CFAP46: variants seen among roughly 807,000 people sequenced by gnomAD.
CFAP46 encodes the protein cilia- and flagella-associated protein 46.
Under a neutral mutation model 325.7 loss-of-function variants are expected in CFAP46, and 245 were observed. The observed-to-expected ratio is 0.75, with a 90% CI of 0.68 to 0.84. CFAP46 has a LOEUF of 0.84. CFAP46 is among the 40% of genes least tolerant of loss of function. The pLI is 0.00. For synonymous variants in CFAP46, 1,523 were observed against 1,495.9 expected (o/e 1.02, Z -0.42); for missense variants, 3,346 against 3,543.0 (o/e 0.94, Z 1.41).
At chr10:132,825,019 A>T (rs1447920655) in intron 50 of CFAP46, among the ~76,000 whole-genome samples, 1 of 91,710 alleles carries the variant, frequency 1.1e-5, no homozygotes, top group African/African-American at 4.4e-5. Context: ...TGATGTGTGC[A>T]CTGTGTGCTG....
chr10:132,833,429 C>T lies in CFAP46; in HGVS notation c.7046G>A (p.Gly2349Glu). Residue 2349 changes from glycine to glutamate, a missense_variant, in exon 50 of 58, where the codon GGG becomes GAG. Physicochemically the swap from Gly to Glu is moderately conservative, Grantham distance 98. Transcript: ENST00000368586. ...TTCTCGTGACACAGAGGAAATTGTC[C>T]CTTCATCGAACACAGAGAGACCTTC... ...PLEGLSVFDE[G>E]TISSVSREFS... 6.2e-7 allele frequency: 1 copy of T among 1,614,160 alleles called. No individual in the cohort carries two copies. Among genetic ancestry groups the T allele is most frequent in the Non-Finnish European group, 8.5e-7 (1 of 1,180,030 alleles).
At chr10:132,921,725 G>A (rs994123051) in intron 13 of CFAP46, among the ~76,000 whole-genome samples, 8 of 152,238 alleles carry the variant, frequency 5.3e-5, no homozygotes, top group African/African-American at 1.9e-4. Context: ...GACCCCCAGA[G>A]GGGATGGCCC....
chr10:132,904,613 G>T (rs2135503205), intron 22 of CFAP46, among the ~76,000 whole-genome samples: 1 of 152,342 alleles, frequency 6.6e-6, no homozygotes, highest in East Asian at 1.9e-4. Context: ...AGGGCGCCCA[G>T]CCCCCACATC....
At position 132,907,943 on chromosome 10, in the gene CFAP46, G is replaced by T. The variant is rs1168719908; in HGVS notation, c.2924+525C>A. On this transcript the variant is annotated intron_variant, in intron 22 of 57. Transcript: ENST00000368586. The stretch of plus-strand genomic sequence containing the variant: ...GATGGCACTTCCAGCCTCCGGAACT[G>T]TGAGCAGGAACCATCTGGGGTGGGA... 3.9e-5 allele frequency among the ~76,000 whole-genome samples: 6 copies of T among 152,374 alleles called. No homozygotes were observed. The East Asian group carries it at 9.7e-4, about 25-fold the overall frequency.
In CFAP46 at chr10:132,876,293, C is replaced by A. The variant is rs888358023; in HGVS notation, c.4362+519G>T. 6.6e-6 allele frequency among the ~76,000 whole-genome samples: 1 copy of A among 152,256 alleles called. No individual in the cohort carries two copies. Among genetic ancestry groups the A allele is most frequent in the Admixed American group, 6.5e-5 (1 of 15,288 alleles). On this transcript the variant is annotated intron_variant, in intron 31 of 57. Coordinates refer to ENST00000368586, the MANE Select transcript of CFAP46 (RefSeq NM_001200049.3). The surrounding 1 kb of genome is among the most constrained non-coding windows in gnomAD (Gnocchi z 4.1). ...CAGCATGGCAGCGTGGCACCAAACA[C>A]CGCAGGTGGAGATGGTCCAGGTGTG... is the stretch of plus-strand genomic sequence containing the variant.
chr10:132,941,678 G>C lies in CFAP46; in HGVS notation c.219C>G (p.Phe73Leu). 6.2e-7 allele frequency: 1 copy of C among 1,614,042 alleles called. No homozygotes were observed. The highest frequency in any genetic ancestry group is 2.2e-5 in the East Asian group (1 of 44,866). Residue 73 changes from phenylalanine (F) to leucine (L), a missense_variant, in exon 3 of 58, where the codon TTC (phenylalanine) becomes TTG (leucine). Physicochemically the swap from Phe to Leu is conservative, Grantham distance 22. Coordinates refer to ENST00000368586, the MANE Select transcript of CFAP46 (RefSeq NM_001200049.3). ...ACTGGGTGATGGGCGCCTTCACCTTGAAGTACATTTGGATGCAGTCCTCGC... is the reference window on the plus strand; with the variant it reads ...ACTGGGTGATGGGCGCCTTCACCTTCAAGTACATTTGGATGCAGTCCTCGC... ...EVSEDCIQMY[F>L]KVKAPITQFL... is the part of the protein sequence containing the mutation.
chr10:132,857,441 TTTG>T, intron 39 of CFAP46, 146 bp downstream of exon 39: 2 of 740,168 alleles, frequency 2.7e-6, no homozygotes, highest in Non-Finnish European at 4.3e-6. Context: ...TGTTTGTTTT[TTTG>T]TTGTTTCAGA....
At position 132,924,852 on chromosome 10, in the gene CFAP46, G is replaced by A. The variant is rs914677857; in HGVS notation, c.1100C>T (p.Ala367Val). The A allele has an allele frequency of 1.1e-4, 160 of 1,427,984 alleles. No homozygotes were observed. Among genetic ancestry groups the A allele is most frequent in the Admixed American group, 1.7e-4 (6 of 35,040 alleles). 88.5% of individuals were successfully genotyped at this position (1,427,984 alleles called of 1,614,324 possible). Residue 367 changes from alanine to valine, a missense_variant, in exon 11 of 58, where the codon GCG becomes GTG. Transcript: ENST00000368586. ...QLDIIQRLDV[A>V]LQRAVRLGDP... ...GCCCAGGCGCACGGCTCGCTGCAGC[G>A]CGACGTCTAGCCTCTGTATGATATC...
chr10:132,818,055 A>G (rs1159253492), intron 50 of CFAP46, among the ~76,000 whole-genome samples: 1 of 152,032 alleles, frequency 6.6e-6, no homozygotes, highest in Non-Finnish European at 1.5e-5. Context: ...CTGGAATCGC[A>G]TCTGCAAAGC....
intron 44 of CFAP46, among the ~76,000 whole-genome samples, chr10:132,845,113 C>A (rs1848412621): frequency 6.6e-6 from 1 of 152,216 alleles, no homozygotes. Flanking sequence ...CCATGCACAC[C>A]CTCCTGGACC....
chr10:132,930,968 C>G (rs1429097200), intron 8 of CFAP46, among the ~76,000 whole-genome samples: 1 of 129,556 alleles, frequency 7.7e-6, no homozygotes, highest in African/African-American at 3.0e-5. Flanking sequence ...TCACACAGAG[C>G]CTGGGCCTCC....
chr10:132,856,311 C>T (rs948952929), intron 39 of CFAP46, among the ~76,000 whole-genome samples: 1 of 152,226 alleles, frequency 6.6e-6, no homozygotes, highest in African/African-American at 2.4e-5. Flanking sequence ...TTTCATTCCT[C>T]TTTCTAGTTC....
chr10:132,820,564 G>A (rs1417285713), intron 50 of CFAP46, among the ~76,000 whole-genome samples: 7 of 148,228 alleles, frequency 4.7e-5, no homozygotes, highest in Admixed American at 3.3e-4. Context: ...GTGCTGATGT[G>A]TGCTGTGTGT....
In CFAP46 at chr10:132,832,140, TAA is replaced by T. The variant is rs1237236861; in HGVS notation, c.7117+1216_7117+1217del. Among the ~76,000 whole-genome samples, 1 of 152,244 alleles carries T rather than the reference TAA, an allele frequency of 6.6e-6. No homozygotes were observed. Among genetic ancestry groups the T allele is most frequent in the African/African-American group, 2.4e-5 (1 of 41,464 alleles). On this transcript the variant is annotated intron_variant, in intron 50 of 57. Transcript: ENST00000368586. This position sits in a 1 kb window ranked among gnomAD's most constrained non-coding sequence, Gnocchi z 4.1. ...CTAAGCTTTTTGCTCAAAAATATTT[TAA>T]AGAGATTTTGAAAATAAAGGCGTTT...
chr10:132,912,569 T>TCCTCTCTCTCTCTC lies in CFAP46; in HGVS notation c.2499+85_2499+86insGAGAGAGAGAGAGG, dbSNP rs1564798416. On this transcript the variant is annotated intron_variant, in intron 19 of 57. Coordinates refer to ENST00000368586, the MANE Select transcript of CFAP46 (RefSeq NM_001200049.3). ...TCTCTCTCTCTTCACCTCTCTCCTC[T>TCCTCTCTCTCTCTC]TTCACCTCTCCTCTCCTCTCTCTCT... 178 of 870,064 alleles carry TCCTCTCTCTCTCTC rather than the reference T, an allele frequency of 2.0e-4. 2 individuals are homozygous for TCCTCTCTCTCTCTC. The highest frequency in any genetic ancestry group is 5.8e-4 in the Middle Eastern group (2 of 3,428). The allele number at this position is 870,064 out of a possible 1,614,324, so 53.9% of individuals were successfully genotyped here.
chr10:132,818,832 CAA>C lies in CFAP46; in HGVS notation c.7118-3920_7118-3919del, dbSNP rs1292056744. On this transcript the variant is annotated intron_variant, in intron 50 of 57. Coordinates refer to ENST00000368586, the MANE Select transcript of CFAP46 (RefSeq NM_001200049.3). ...TTGCGCCACTGCACTCTAGCCTGGG[CAA>C]CAGAGTGAGACTCCATCTCCAGAAA... 3.9e-3 allele frequency among the ~76,000 whole-genome samples: 555 copies of C among 142,306 alleles called. 7 individuals are homozygous for C. The highest frequency in any genetic ancestry group is 0.014 in the African/African-American group (528 of 38,118). The allele number at this position is 142,306 out of a possible 152,430, so 93.4% of individuals were successfully genotyped here.
intron 26 of CFAP46, among the ~76,000 whole-genome samples, 172 bp downstream of exon 26, chr10:132,885,649 C>T (rs55732610): frequency 0.49 from 36,076 of 73,468 alleles, 5,921 homozygotes; most frequent in Admixed American, 0.62. Flanking sequence ...GAGCACACTC[C>T]GGTGGGGGAG....
In CFAP46 at chr10:132,863,224, G is replaced by GCT. The variant is rs563863060; in HGVS notation, c.4891-2244_4891-2243dup. ...GCAGACTCACTCCCTAAGTCCCAGG[G>GCT]CTCTCACCACCTCCCACTGCCTCCC... On this transcript the variant is annotated intron_variant, in intron 35 of 57. Coordinates refer to ENST00000368586, the MANE Select transcript of CFAP46 (RefSeq NM_001200049.3). Among the ~76,000 whole-genome samples, 136 of 152,130 alleles carry GCT rather than the reference G, an allele frequency of 8.9e-4. 1 individual carries two copies. Among genetic ancestry groups the GCT allele is most frequent in the African/African-American group, 3.1e-3 (130 of 41,480 alleles).
At chr10:132,900,595 G>A (rs1321671439) in intron 22 of CFAP46, among the ~76,000 whole-genome samples, 6 of 152,260 alleles carry the variant, frequency 3.9e-5, no homozygotes, top group Admixed American at 3.9e-4. Context: ...AAGGAGGAAG[G>A]CGCTGCCCCT....
Sources: gnomAD v4.1 joint callset for allele counts (sites outside exome capture counted in the v4.1 genomes callset) on GRCh38, gnomAD v4.1.1 for gene constraint, Gnocchi (gnomAD v3.1) non-coding constraint, MANE v1.5 for transcripts, NCBI Gene and HGNC (gene_info 2026-07-23, HGNC 2026-07-21) for gene names.